DEPTOR: variants seen among roughly 807,000 people sequenced by gnomAD.
DEPTOR encodes the protein DEP domain containing MTOR interacting protein.
A neutral mutation model predicts 41.6 loss-of-function variants in DEPTOR; 41 were observed. That is an observed-to-expected ratio of 0.98 (90% CI 0.77 to 1.28). The LOEUF is 1.28. Among genes scored for constraint, DEPTOR ranks in the 50% most tolerant of loss-of-function variants. The pLI, the probability that DEPTOR is intolerant of heterozygous loss-of-function variation, is 0.00. For synonymous variants in DEPTOR, 195 were observed against 192.3 expected (o/e 1.01, Z -0.12); for missense variants, 514 against 527.9 (o/e 0.97, Z 0.26).
chr8:119,926,592 A>G (rs893282021), intron 1 of DEPTOR, among the ~76,000 whole-genome samples: 2 of 152,178 alleles, frequency 1.3e-5, no homozygotes, highest in South Asian at 2.1e-4. Context: ...CTGAAATTCA[A>G]ATTTAACTGG....
chr8:119,876,093 GCT>G (rs1428699259), intron 1 of DEPTOR, among the ~76,000 whole-genome samples: 1 of 152,126 alleles, frequency 6.6e-6, no homozygotes, highest in Non-Finnish European at 1.5e-5. Flanking sequence ...TTGCATGATG[GCT>G]CTTTTTGTCC....
intron 1 of DEPTOR, among the ~76,000 whole-genome samples, chr8:119,887,841 C>T (rs1412075674): frequency 6.6e-6 from 1 of 151,248 alleles, no homozygotes; most frequent in Non-Finnish European, 1.5e-5. Context: ...GTTTTTTGGA[C>T]ACATGGTCTT....
chr8:120,024,607 G>A (rs753558664), intron 8 of DEPTOR, among the ~76,000 whole-genome samples: 18 of 152,158 alleles, frequency 1.2e-4, no homozygotes, highest in Non-Finnish European at 4.4e-5. Context: ...AAGACGCGAA[G>A]GGGAATTGTC....
At chr8:120,004,350 G>A (rs888860478) in intron 6 of DEPTOR, among the ~76,000 whole-genome samples, 1 of 152,158 alleles carries the variant, frequency 6.6e-6, no homozygotes, top group African/African-American at 2.4e-5. Flanking sequence ...CCTGGCTGAA[G>A]AGTCGTTGAG....
intron 1 of DEPTOR, among the ~76,000 whole-genome samples, chr8:119,878,878 A>G (rs187951950): frequency 1.4e-4 from 21 of 151,934 alleles, no homozygotes; most frequent in African/African-American, 4.8e-4. Flanking sequence ...TGGGAGGCTG[A>G]GGCGGGCGGA....
rs189478505 is a variant in DEPTOR, at chr8:119,992,764, C to A, written c.605-8761C>A. ...CTCTGCTTCCTGGGTTCAAGTGATT[C>A]TCGTGCCTCAGTCTCCCAAGTAGCT... On this transcript the variant is annotated intron_variant, in intron 4 of 8. Transcript: ENST00000286234. Among the ~76,000 whole-genome samples, 113 of 149,326 alleles carry A rather than the reference C, an allele frequency of 7.6e-4. 1 individual carries two copies. The highest frequency in any genetic ancestry group is 2.6e-3 in the African/African-American group (105 of 40,548).
intron 1 of DEPTOR, among the ~76,000 whole-genome samples, chr8:119,904,637 A>G (rs984797409): frequency 6.6e-6 from 1 of 152,002 alleles, no homozygotes; most frequent in Non-Finnish European, 1.5e-5. Flanking sequence ...CTGGGATTAC[A>G]GGAGTGTGCC....
intron 2 of DEPTOR, 119 bp downstream of exon 2, chr8:119,928,697 C>A: frequency 9.3e-7 from 1 of 1,072,970 alleles, no homozygotes; most frequent in Non-Finnish European, 1.3e-6. Context: ...TGTACCTCTC[C>A]CTGATTGCAT....
At chr8:119,943,199 G>A (rs1043735513) in intron 3 of DEPTOR, among the ~76,000 whole-genome samples, 1 of 152,188 alleles carries the variant, frequency 6.6e-6, no homozygotes, top group African/African-American at 2.4e-5. Context: ...AAGGAGATTG[G>A]GGTGAGCGTA....
At chr8:119,925,503 C>A (rs1156974461) in intron 1 of DEPTOR, among the ~76,000 whole-genome samples, 2 of 152,144 alleles carry the variant, frequency 1.3e-5, no homozygotes, top group African/African-American at 4.8e-5. Context: ...GGAAAACTGC[C>A]CCATGATTCA....
chr8:120,046,547 G>A lies in DEPTOR; in HGVS notation c.1102-3029G>A, dbSNP rs563785223. Among the ~76,000 whole-genome samples the A allele has an allele frequency of 1.1e-4, 16 of 152,060 alleles. No homozygotes were observed. The South Asian group carries it at 2.1e-3, about 20-fold the overall frequency. On this transcript the variant is annotated intron_variant, in intron 8 of 8. Transcript: ENST00000286234. ...ATGTTGTATGTTCCATTTTATGGCC[G>A]AATAATATTCCACTGTATGGATATA... is the stretch of plus-strand genomic sequence containing the variant.
chr8:119,916,679 A>C (rs923269851), intron 1 of DEPTOR, among the ~76,000 whole-genome samples: 2 of 152,226 alleles, frequency 1.3e-5, no homozygotes, highest in Non-Finnish European at 2.9e-5. Context: ...GTGGAGGTTC[A>C]GTACATGCAA....
intron 3 of DEPTOR, among the ~76,000 whole-genome samples, chr8:119,952,823 G>A (rs983178646): frequency 6.6e-6 from 1 of 152,214 alleles, no homozygotes; most frequent in Non-Finnish European, 1.5e-5. Context: ...ACCAAGGTGA[G>A]ATTGAGTATG....
intron 5 of DEPTOR, 58 bp downstream of exon 5, chr8:120,001,768 G>T: frequency 6.5e-7 from 1 of 1,537,328 alleles, no homozygotes; most frequent in Middle Eastern, 1.7e-4. Context: ...AAATAGTGGA[G>T]CCATGACTCA....
At chr8:119,957,242 A>G (rs1413574282) in intron 3 of DEPTOR, among the ~76,000 whole-genome samples, 1 of 152,222 alleles carries the variant, frequency 6.6e-6, no homozygotes, top group Non-Finnish European at 1.5e-5. Context: ...GAGAATGCAT[A>G]TAATTAAATT....
intron 1 of DEPTOR, among the ~76,000 whole-genome samples, chr8:119,923,546 T>A (rs1438119456): frequency 6.6e-6 from 1 of 152,240 alleles, no homozygotes; most frequent in African/African-American, 2.4e-5. Flanking sequence ...CCAGCCTATC[T>A]GCTTTAATTG....
chr8:120,004,756 T>C (rs951922135), intron 6 of DEPTOR, among the ~76,000 whole-genome samples: 1 of 152,120 alleles, frequency 6.6e-6, no homozygotes, highest in African/African-American at 2.4e-5. Context: ...GGTTTGTAAA[T>C]TCCACTTCTT....
intron 1 of DEPTOR, among the ~76,000 whole-genome samples, chr8:119,880,083 A>T (rs1827279456): frequency 6.6e-6 from 1 of 151,944 alleles, no homozygotes; most frequent in Non-Finnish European, 1.5e-5. Context: ...CAGAGGTTGC[A>T]GTGAGCCGAG....
chr8:119,920,791 C>T (rs7818752), intron 1 of DEPTOR, among the ~76,000 whole-genome samples: 20 of 151,802 alleles, frequency 1.3e-4, no homozygotes, highest in African/African-American at 4.1e-4. Flanking sequence ...GGTTATTATA[C>T]GAGTGCACAT....
Sources: gnomAD v4.1 joint callset for allele counts (sites outside exome capture counted in the v4.1 genomes callset) on GRCh38, gnomAD v4.1.1 for gene constraint, MANE v1.5 for transcripts, NCBI Gene and HGNC (gene_info 2026-07-23, HGNC 2026-07-21) for gene names.